Variants in SPMIP2 observed in about 807,000 individuals in gnomAD.
The protein encoded by SPMIP2 is protein SPMIP2.
At chr4:158,974,035 T>C in the SPMIP2 span, among the ~76,000 whole-genome samples, 3 of 146,914 alleles carry the variant, frequency 2.0e-5, no homozygotes, top group African/African-American at 7.5e-5. Context: ...ATTTATCCCA[T>C]GCTACATTTG....
At chr4:159,005,630 A>C in the SPMIP2 span, among the ~76,000 whole-genome samples, 2 of 152,228 alleles carry the variant, frequency 1.3e-5, no homozygotes, top group African/African-American at 4.8e-5. Flanking sequence ...TCAAAAGTAC[A>C]CACCCAGAGT....
chr4:159,047,219 AAGT>A, the SPMIP2 span, among the ~76,000 whole-genome samples: 1 of 152,228 alleles, frequency 6.6e-6, no homozygotes, highest in East Asian at 1.9e-4. Context: ...AAATTATAAA[AAGT>A]AGATTTTTAT....
chr4:158,997,405 ATT>A, the SPMIP2 span, among the ~76,000 whole-genome samples: 418 of 151,966 alleles, frequency 2.8e-3, no homozygotes, highest in African/African-American at 9.8e-3. Context: ...TAATTTTGTA[ATT>A]TTAATAGAGA....
chr4:158,952,353 T>G, the SPMIP2 span, among the ~76,000 whole-genome samples: 13 of 152,306 alleles, frequency 8.5e-5, no homozygotes, highest in African/African-American at 3.1e-4. Flanking sequence ...TGGGGGTGGT[T>G]TTCCCCATAT....
the SPMIP2 span, among the ~76,000 whole-genome samples, chr4:158,974,457 T>TACC: frequency 6.6e-6 from 1 of 152,160 alleles, no homozygotes; most frequent in East Asian, 1.9e-4. Flanking sequence ...ATCCATCCCC[T>TACC]TGCCCCCCAC....
chr4:159,043,152 C>T, the SPMIP2 span, among the ~76,000 whole-genome samples: 1 of 152,142 alleles, frequency 6.6e-6, no homozygotes, highest in Non-Finnish European at 1.5e-5. Flanking sequence ...ATCCCCTATC[C>T]AGTTTACCAA....
the SPMIP2 span, chr4:158,973,131 G>A: frequency 6.2e-7 from 1 of 1,610,808 alleles, no homozygotes; most frequent in Non-Finnish European, 8.5e-7. Flanking sequence ...ATTATACTGT[G>A]GTATTCTCCA....
At chr4:158,896,182 T>C in the SPMIP2 span, among the ~76,000 whole-genome samples, 1 of 152,224 alleles carries the variant, frequency 6.6e-6, no homozygotes, top group East Asian at 1.9e-4. Context: ...AATAAGATGC[T>C]GAAGTCACAA....
At chr4:158,944,057 T>C in the SPMIP2 span, among the ~76,000 whole-genome samples, 1,201 of 152,138 alleles carry the variant, frequency 7.9e-3, 21 homozygotes, top group African/African-American at 0.027. Context: ...GGTTTCACCA[T>C]GTTGGCCAGG....
the SPMIP2 span, among the ~76,000 whole-genome samples, chr4:158,970,195 G>A: frequency 6.6e-6 from 1 of 152,184 alleles, no homozygotes; most frequent in African/African-American, 2.4e-5. Flanking sequence ...AGAAGTAGCT[G>A]CCTGAAGCAC....
At chr4:158,938,921 A>G in the SPMIP2 span, among the ~76,000 whole-genome samples, 1 of 152,236 alleles carries the variant, frequency 6.6e-6, no homozygotes, top group African/African-American at 2.4e-5. Flanking sequence ...ATCTAGGGTC[A>G]TCTATTAGAA....
the SPMIP2 span, among the ~76,000 whole-genome samples, chr4:159,002,696 A>G: frequency 6.6e-6 from 1 of 152,092 alleles, no homozygotes; most frequent in Non-Finnish European, 1.5e-5. Flanking sequence ...TTATTTTGGC[A>G]CCATTTGTAA....
chr4:159,082,469 G>GTGTA, the SPMIP2 span, among the ~76,000 whole-genome samples: 10 of 149,056 alleles, frequency 6.7e-5, no homozygotes, highest in Admixed American at 1.3e-4. Context: ...GTGTGTGTGT[G>GTGTA]TGTGTGTGTG....
the SPMIP2 span, among the ~76,000 whole-genome samples, chr4:159,014,025 G>T: frequency 6.6e-6 from 1 of 152,132 alleles, no homozygotes; most frequent in Non-Finnish European, 1.5e-5. Flanking sequence ...TGGAAGAGGT[G>T]ATAGTTGCAA....
chr4:159,006,358 C>T, the SPMIP2 span, among the ~76,000 whole-genome samples: 10 of 152,176 alleles, frequency 6.6e-5, no homozygotes, highest in Non-Finnish European at 1.2e-4. Context: ...ACCATGTTTA[C>T]GCGAGATGAA....
chr4:159,079,807 T>A, the SPMIP2 span, among the ~76,000 whole-genome samples: 1 of 152,206 alleles, frequency 6.6e-6, no homozygotes, highest in Admixed American at 6.5e-5. Flanking sequence ...CTGCTTTTAA[T>A]TAGATTTTTA....
chr4:158,924,233 A>G, the SPMIP2 span, among the ~76,000 whole-genome samples: 1 of 152,212 alleles, frequency 6.6e-6, no homozygotes, highest in Non-Finnish European at 1.5e-5. Context: ...ACTTTGTTAC[A>G]GCAGTGCAAG....
the SPMIP2 span, among the ~76,000 whole-genome samples, chr4:158,975,150 GGTT>G: frequency 3.9e-4 from 46 of 118,236 alleles, no homozygotes; most frequent in Admixed American, 1.6e-3. Context: ...TTTTTGATGG[GGTT>G]GTTTTTTTCT....
chr4:159,021,536 T>TTATGGTCTTCACACAAACAATCC, the SPMIP2 span, among the ~76,000 whole-genome samples: 3 of 152,346 alleles, frequency 2.0e-5, no homozygotes, highest in African/African-American at 7.2e-5. Context: ...ACTTTGTACT[T>TTATGGTCTTCACACAAACAATCC]TATGGTCTTC....
Sources: allele counts gnomAD v4.1 joint callset (sites outside exome capture counted in the v4.1 genomes callset), GRCh38; gene constraint gnomAD v4.1.1; transcripts MANE v1.5; gene names NCBI Gene and HGNC (gene_info 2026-07-23, HGNC 2026-07-21).